MAST4: variants seen among roughly 807,000 people sequenced by gnomAD.
MAST4 encodes microtubule-associated serine/threonine-protein kinase 4.
Under a neutral mutation model 162.7 loss-of-function variants are expected in MAST4, and 89 were observed. The ratio of observed to expected loss-of-function variants is 0.55; its 90% CI spans 0.46 to 0.65. The LOEUF (loss-of-function observed/expected upper bound fraction) is 0.65. MAST4 is among the 30% of genes least tolerant of loss of function. The pLI is 0.00. For synonymous variants in MAST4, 1,479 were observed against 1,361.1 expected, an observed-to-expected ratio of 1.09 and a Z score of -1.91; for missense variants, 3,153 against 3,374.0, an observed-to-expected ratio of 0.93 and a Z score of 1.62.
intron 3 of MAST4, among the ~76,000 whole-genome samples, chr5:66,871,419 G>A (rs1041688654): frequency 6.6e-6 from 1 of 152,164 alleles, no homozygotes; most frequent in Non-Finnish European, 1.5e-5. Flanking sequence ...TTGGCTTCAG[G>A]GCAGCAGTTA....
chr5:66,863,870 C>G (rs1163664677), intron 3 of MAST4, among the ~76,000 whole-genome samples: 3 of 152,204 alleles, frequency 2.0e-5, no homozygotes, highest in South Asian at 4.1e-4. Flanking sequence ...CCTCCCTTTC[C>G]TCTTCTGGCC....
chr5:66,648,507 G>A (rs201437561), intron 1 of MAST4, among the ~76,000 whole-genome samples: 14 of 152,062 alleles, frequency 9.2e-5, no homozygotes, highest in African/African-American at 3.1e-4. Context: ...GTAATGGCTT[G>A]GTGACTTTTT....
At chr5:66,664,319 C>G (rs1747100092) in intron 1 of MAST4, among the ~76,000 whole-genome samples, 1 of 149,978 alleles carries the variant, frequency 6.7e-6, no homozygotes, top group Non-Finnish European at 1.5e-5. Context: ...CTGGTAATCC[C>G]AACTATTCAT....
chr5:67,010,616 A>C (rs1752554380), intron 4 of MAST4, among the ~76,000 whole-genome samples: 1 of 152,214 alleles, frequency 6.6e-6, no homozygotes, highest in African/African-American at 2.4e-5. Flanking sequence ...AGAATTAAAG[A>C]TACCCCGCTT....
intron 2 of MAST4, among the ~76,000 whole-genome samples, chr5:66,764,733 A>C (rs1395563852): frequency 6.6e-6 from 1 of 152,232 alleles, no homozygotes; most frequent in Non-Finnish European, 1.5e-5. Flanking sequence ...ATTTTAAGCT[A>C]AGTGTTATTA....
chr5:66,654,821 G>A (rs1358890402), intron 1 of MAST4, among the ~76,000 whole-genome samples: 1 of 152,098 alleles, frequency 6.6e-6, no homozygotes, highest in African/African-American at 2.4e-5. Context: ...AGGTTGCTGG[G>A]ATATGCTTTC....
chr5:67,063,141 A>G (rs1759826827), intron 5 of MAST4, among the ~76,000 whole-genome samples: 1 of 149,422 alleles, frequency 6.7e-6, no homozygotes, highest in South Asian at 2.1e-4. Context: ...TACCATCTTT[A>G]TGTTCCATGC....
intron 4 of MAST4, among the ~76,000 whole-genome samples, chr5:66,990,477 G>T (rs930195293): frequency 2.0e-5 from 3 of 152,126 alleles, no homozygotes; most frequent in African/African-American, 7.2e-5. Context: ...TCTCTACATA[G>T]AATTTTTTAA....
At chr5:66,779,385 A>T (rs1472122288) in intron 2 of MAST4, among the ~76,000 whole-genome samples, 1 of 146,676 alleles carries the variant, frequency 6.8e-6, no homozygotes, top group African/African-American at 2.5e-5. Flanking sequence ...GTGAGTAAAC[A>T]CATAGCACTT....
At chr5:67,065,305 C>T (rs1760100207) in intron 5 of MAST4, among the ~76,000 whole-genome samples, 1 of 152,046 alleles carries the variant, frequency 6.6e-6, no homozygotes, top group Non-Finnish European at 1.5e-5. Context: ...TTTCGGTGAC[C>T]GTCACAGTGA....
chr5:66,954,720 G>A (rs138606471), intron 4 of MAST4, among the ~76,000 whole-genome samples: 1,639 of 152,202 alleles, frequency 0.011, 27 homozygotes, highest in African/African-American at 0.037. Context: ...GGCCAACATG[G>A]TGAGACCCCA....
Position 67,152,622 on chromosome 5 carries a change from G to A in MAST4, c.3296-15G>A, listed in dbSNP as rs1443975621. On this transcript the variant is annotated splice_polypyrimidine_tract_variant and intron_variant, in intron 24 of 28. Coordinates refer to ENST00000403625, the MANE Select transcript of MAST4 (RefSeq NM_001164664.2). ...TGAGCCACATGGGCTTTGATGACTG[G>A]CTTCTTTGTTACAGATATGTTTGCT... 4 of 1,609,834 alleles carry A rather than the reference G, an allele frequency of 2.5e-6. No homozygotes were observed. The African/African-American group carries it at 5.3e-5, about 22-fold the overall frequency.
chr5:67,146,116 C>G (rs1771053688), intron 23 of MAST4, among the ~76,000 whole-genome samples: 1 of 152,152 alleles, frequency 6.6e-6, no homozygotes. Context: ...GAGTAAGAAA[C>G]TCTGGGTAAT....
At chr5:67,007,189 A>T (rs536465033) in intron 4 of MAST4, among the ~76,000 whole-genome samples, 1 of 152,274 alleles carries the variant, frequency 6.6e-6, no homozygotes, top group African/African-American at 2.4e-5. Context: ...TTCCCTAAGG[A>T]CATGAAACAT....
intron 1 of MAST4, among the ~76,000 whole-genome samples, chr5:66,737,581 G>A (rs1752228460): frequency 6.6e-6 from 1 of 152,108 alleles, no homozygotes; most frequent in Non-Finnish European, 1.5e-5. Context: ...ATCTCTCCGT[G>A]TACTTTGATC....
At chr5:66,862,535 A>G (rs1031038154) in intron 3 of MAST4, among the ~76,000 whole-genome samples, 3 of 152,340 alleles carry the variant, frequency 2.0e-5, no homozygotes, top group Admixed American at 2.0e-4. Context: ...AAAATGCTCT[A>G]ACAAACGATC....
chr5:67,025,386 T>C (rs906243381), intron 4 of MAST4, among the ~76,000 whole-genome samples: 1 of 152,188 alleles, frequency 6.6e-6, no homozygotes, highest in Non-Finnish European at 1.5e-5. Flanking sequence ...GCTAATACTA[T>C]GATGATAGAT....
At chr5:66,700,084 C>A (rs567303478) in intron 1 of MAST4, among the ~76,000 whole-genome samples, 1 of 152,226 alleles carries the variant, frequency 6.6e-6, no homozygotes, top group South Asian at 2.1e-4. Context: ...GTCTTCTGCT[C>A]TGTGGCTTTG....
At chr5:67,119,192 G>T (rs1162419954) in intron 13 of MAST4, among the ~76,000 whole-genome samples, 1 of 152,084 alleles carries the variant, frequency 6.6e-6, no homozygotes, top group Admixed American at 6.5e-5. Flanking sequence ...GAGGTGTATG[G>T]GTATATGAGG....
Sources: gnomAD v4.1 joint callset for allele counts (sites outside exome capture counted in the v4.1 genomes callset) on GRCh38, gnomAD v4.1.1 for gene constraint, MANE v1.5 for transcripts, NCBI Gene and HGNC (gene_info 2026-07-23, HGNC 2026-07-21) for gene names.